CFAP97: variants seen among roughly 807,000 people sequenced by gnomAD.
CFAP97 encodes cilia and flagella associated protein 97.
Under a neutral mutation model 43.1 loss-of-function variants are expected in CFAP97, and 36 were observed. That is an observed-to-expected ratio of 0.84 (90% confidence interval 0.64 to 1.10). CFAP97 has a LOEUF of 1.10. Among genes scored for constraint, CFAP97 ranks in the 50% least tolerant of loss-of-function variants. The probability of loss-of-function intolerance (pLI) is 0.00; values close to 1 mark genes in which losing one functional copy is unlikely to be tolerated. For synonymous variants in CFAP97, 228 were observed against 225.7 expected (o/e 1.01, Z -0.09); for missense variants, 657 against 620.3 (o/e 1.06, Z -0.63).
intron 3 of CFAP97, 60 bp from the exon 4 acceptor site, chr4:185,164,239 C>A: frequency 2.0e-6 from 3 of 1,478,408 alleles, no homozygotes; most frequent in Middle Eastern, 1.7e-4. Flanking sequence ...TTTAACAAGG[C>A]AATACATTCT....
intron 2 of CFAP97, among the ~76,000 whole-genome samples, chr4:185,182,824 G>A (rs1735854472): frequency 6.6e-6 from 1 of 152,176 alleles, no homozygotes; most frequent in South Asian, 2.1e-4. Flanking sequence ...AACGGGCTGG[G>A]CGTGGTGGCT....
intron 1 of CFAP97, among the ~76,000 whole-genome samples, chr4:185,202,873 T>C (rs1182628942): frequency 6.6e-6 from 1 of 152,230 alleles, no homozygotes; most frequent in Non-Finnish European, 1.5e-5. Context: ...TCCCATCCAC[T>C]GAGCAATTCT....
intron 3 of CFAP97, among the ~76,000 whole-genome samples, chr4:185,174,217 G>A (rs777024278): frequency 9.3e-5 from 14 of 151,324 alleles, no homozygotes; most frequent in African/African-American, 3.4e-4. Context: ...AGAGCCAGGT[G>A]TGAGAGTGAA....
In CFAP97 at chr4:185,160,327, T is replaced by C. The variant is rs1054897840; in HGVS notation, c.*2471A>G. 2 of 152,100 alleles carry C rather than the reference T, an allele frequency of 1.3e-5. No homozygotes were observed. The highest frequency in any genetic ancestry group is 4.8e-5 in the African/African-American group (2 of 41,424). 9.4% of individuals were successfully genotyped at this position (152,100 alleles called of 1,614,324 possible). On this transcript the variant is annotated 3_prime_UTR_variant, in exon 5 of 5. Transcript: ENST00000458385. ...ACCTCGGATTAGCATACTTTCTAGT[T>C]ATAGATGTAAATCTTCAAAGTACAT...
chr4:185,193,079 C>T (rs1736374855), intron 1 of CFAP97, among the ~76,000 whole-genome samples: 1 of 151,972 alleles, frequency 6.6e-6, no homozygotes, highest in African/African-American at 2.4e-5. Flanking sequence ...CTAAAAAACC[C>T]CAGGACTCCT....
chr4:185,178,404 C>T lies in CFAP97; in HGVS notation c.1055-2353G>A, dbSNP rs181315998. On this transcript the variant is annotated intron_variant, in intron 2 of 4. Transcript: ENST00000458385. ...CTGGGATTACAGGCGCCCACTACCA[C>T]GCCCGGCTAATTTTTGTATTTTTCG... Among the ~76,000 whole-genome samples, 50 of 151,842 alleles carry T rather than the reference C, an allele frequency of 3.3e-4. 1 individual carries two copies. Among genetic ancestry groups the T allele is most frequent in the Admixed American group, 4.6e-4 (7 of 15,238 alleles).
At chr4:185,207,210 CTTTTTTT>C (rs34373262), upstream of CFAP97, among the ~76,000 whole-genome samples, 6 of 76,810 alleles carry the variant, frequency 7.8e-5, no homozygotes, top group Admixed American at 7.3e-4. Context: ...ACCAGTCACA[CTTTTTTT>C]TTTTTTTTTT....
At chr4:185,177,798 G>A (rs1735612814) in intron 2 of CFAP97, among the ~76,000 whole-genome samples, 1 of 152,114 alleles carries the variant, frequency 6.6e-6, no homozygotes, top group African/African-American at 2.4e-5. Context: ...TCATGCCAGT[G>A]CACTCCAGCC....
intron 3 of CFAP97, among the ~76,000 whole-genome samples, chr4:185,174,198 G>A (rs1227930190): frequency 5.9e-5 from 9 of 151,690 alleles, no homozygotes; most frequent in African/African-American, 1.7e-4. Flanking sequence ...TATTAAATGC[G>A]ATCGGCCCAG....
At position 185,190,810 on chromosome 4, in the gene CFAP97, A is replaced by T; in HGVS notation, c.387T>A (p.Asp129Glu). The T allele has an allele frequency of 6.2e-7, 1 of 1,608,612 alleles. No homozygotes were observed. The change falls in exon 2 of 5, where the codon GAT becomes GAA. Residue 129 changes from aspartate to glutamate, a missense_variant. Physicochemically the swap from Asp to Glu is conservative, Grantham distance 45. Transcript: ENST00000458385. ...RIPKIVKEGE[D>E]DYYTDGEESS... The stretch of plus-strand genomic sequence containing the variant: ...TTTCCTCTCCATCTGTGTAGTAATC[A>T]TCTTCACCTTCTTTTACAATTTTGG...
intron 2 of CFAP97, among the ~76,000 whole-genome samples, chr4:185,189,430 T>G (rs923065082): frequency 1.3e-5 from 2 of 152,174 alleles, no homozygotes; most frequent in Non-Finnish European, 2.9e-5. Flanking sequence ...AAAAACTTTA[T>G]CATCAACGGA....
At chr4:185,205,365 A>T (rs1377661354), upstream of CFAP97, among the ~76,000 whole-genome samples, 1 of 152,080 alleles carries the variant, frequency 6.6e-6, no homozygotes, top group Non-Finnish European at 1.5e-5. Context: ...GAGACAGGAG[A>T]ATCGCTTGAA....
Position 185,162,659 on chromosome 4 carries a change from T to TA in CFAP97, c.*138dup. 1.1e-6 allele frequency: 1 copy of TA among 899,776 alleles called. No homozygotes were observed. Among genetic ancestry groups the TA allele is most frequent in the Non-Finnish European group, 1.7e-6 (1 of 600,284 alleles). The allele number at this position is 899,776 out of a possible 1,614,324, so 55.7% of individuals were successfully genotyped here. A position where few individuals can be genotyped will look rare whatever the true frequency, so the allele number is the denominator to read the frequency against. ...TTTTTGACAATAATTTTGCACTGAA[T>TA]AACAATACATTACAACTCACTGTTG... On this transcript the variant is annotated 3_prime_UTR_variant, in exon 5 of 5. Coordinates refer to ENST00000458385, the MANE Select transcript of CFAP97 (RefSeq NM_020827.3).
chr4:185,194,586 G>C (rs943844332), intron 1 of CFAP97, among the ~76,000 whole-genome samples: 4 of 152,178 alleles, frequency 2.6e-5, no homozygotes, highest in African/African-American at 9.7e-5. Flanking sequence ...GGAGTACAGT[G>C]ACAGGATTCT....
upstream of CFAP97, among the ~76,000 whole-genome samples, chr4:185,204,816 G>A (rs1737115519): frequency 6.6e-6 from 1 of 152,244 alleles, no homozygotes; most frequent in African/African-American, 2.4e-5. Context: ...AGTGCAGGTA[G>A]AAGCTGCAAA....
rs1201919783 is a variant in CFAP97, at chr4:185,190,240, G to A, written c.957C>T (p.Val319=). Residue 319 remains valine, a synonymous_variant, in exon 2 of 5, where the codon GTC becomes GTT. Transcript: ENST00000458385. ...KKGKEKHEPD[V]SSKSSSVLDS... is the part of the protein sequence containing the mutation. ...CTAACACTGAAGACGACTTTGAGGA[G>A]ACATCAGGCTCATGTTTTTCTTTCC... 2 of 1,613,546 alleles carry A rather than the reference G, an allele frequency of 1.2e-6. No homozygotes were observed. Among genetic ancestry groups the A allele is most frequent in the Non-Finnish European group, 1.7e-6 (2 of 1,179,746 alleles).
At chr4:185,163,009 G>T in intron 4 of CFAP97, 84 bp from the exon 5 acceptor site, 1 of 1,188,920 alleles carries the variant, frequency 8.4e-7, no homozygotes, top group Non-Finnish European at 1.1e-6. Context: ...TTCTATGTGT[G>T]TCTAATAGTC....
intron 2 of CFAP97, among the ~76,000 whole-genome samples, chr4:185,177,930 C>G (rs1735620062): frequency 6.6e-6 from 1 of 152,064 alleles, no homozygotes. Context: ...AATTGTAACT[C>G]TACTTCCCTA....
At chr4:185,184,686 T>C (rs568456590) in intron 2 of CFAP97, among the ~76,000 whole-genome samples, 2 of 152,330 alleles carry the variant, frequency 1.3e-5, no homozygotes, top group African/African-American at 2.4e-5. Context: ...TGACCTGTTA[T>C]ATGAGAAATA....
Sources: gnomAD v4.1 joint callset for allele counts (sites outside exome capture counted in the v4.1 genomes callset) on GRCh38, gnomAD v4.1.1 for gene constraint, MANE v1.5 for transcripts, NCBI Gene and HGNC (gene_info 2026-07-23, HGNC 2026-07-21) for gene names.